Variants in ACAP3 observed in about 807,000 individuals in gnomAD.
ACAP3 encodes arf-GAP with coiled-coil, ANK repeat and PH domain-containing protein 3.
In ACAP3, 56 loss-of-function variants were observed where a neutral mutation model predicts 104.1. The ratio of observed to expected loss-of-function variants is 0.54; its 90% CI spans 0.43 to 0.67. The LOEUF (loss-of-function observed/expected upper bound fraction) is 0.67, where lower values mean the gene tolerates loss of function less well. Ranked by LOEUF, ACAP3 falls within the 30% of genes least tolerant of loss-of-function variation. The pLI, the probability that ACAP3 is intolerant of heterozygous loss-of-function variation, is 0.00. For missense variants in ACAP3, 1,208 were observed against 1,174.9 expected (o/e 1.03, Z -0.41); for synonymous variants, 628 against 496.2 (o/e 1.27, Z -3.53).
Position 1,300,072 on chromosome 1 carries a change from C to T in ACAP3, c.568-4G>A, listed in dbSNP as rs371279332. Reference sequence around the variant, plus strand: ...GGGCGTGCATGAAGGACAGCATCTGCGGGGGCAGCACAGGTGAGGCCCAAG... The same window carrying T: ...GGGCGTGCATGAAGGACAGCATCTGTGGGGGCAGCACAGGTGAGGCCCAAG... On this transcript the variant is annotated splice_polypyrimidine_tract_variant and splice_region_variant and intron_variant, in intron 7 of 23. Coordinates refer to ENST00000354700, the MANE Select transcript of ACAP3 (RefSeq NM_030649.3). The T allele has an allele frequency of 1.6e-5, 25 of 1,611,980 alleles. No homozygotes were observed. In the African/African-American group the frequency reaches 2.3e-4, roughly 15 times the overall value.
rs781575250 is a variant in ACAP3 at position 1,297,993 on chromosome 1, C to T, written c.1016+20G>A. On this transcript the variant is annotated intron_variant, in intron 13 of 23. Coordinates refer to ENST00000354700, the MANE Select transcript of ACAP3 (RefSeq NM_030649.3). ...TGGGCAGGTACGCCCCCCGCCCCACCCTGGGCTGGGCCTCCTCACTTGGTG... is the reference window on the plus strand; with the variant it reads ...TGGGCAGGTACGCCCCCCGCCCCACTCTGGGCTGGGCCTCCTCACTTGGTG... 8.1e-6 allele frequency: 13 copies of T among 1,611,632 alleles called. No homozygotes were observed. The highest frequency in any genetic ancestry group is 1.1e-5 in the Non-Finnish European group (13 of 1,179,428).
rs762569603 is a variant in ACAP3, at chr1:1,294,828, C to T, written c.1814-12G>A. ...GTCGCTACTCAGACCTGCAGGTCCG[C>T]AGGGAAGGGGGTCCTGAGGGTGGGA... is the stretch of plus-strand genomic sequence containing the variant. On this transcript the variant is annotated splice_polypyrimidine_tract_variant and intron_variant, in intron 19 of 23. Coordinates refer to ENST00000354700, the MANE Select transcript of ACAP3 (RefSeq NM_030649.3). 1.8e-5 allele frequency: 28 copies of T among 1,549,340 alleles called. No individual in the cohort carries two copies. In the African/African-American group the frequency reaches 3.6e-4, roughly 20 times the overall value.
At chr1:1,306,996 C>G (rs1641747225) in intron 1 of ACAP3, 1 of 446,254 alleles carries the variant, frequency 2.2e-6, no homozygotes, top group Non-Finnish European at 4.4e-6. Context: ...GAGGGAGGCA[C>G]GCAGAGGGGC....
chr1:1,299,097 A>G (rs892565171), intron 10 of ACAP3: 2 of 579,078 alleles, frequency 3.5e-6, no homozygotes, highest in Non-Finnish European at 6.2e-6. Context: ...AGGCCAGGGA[A>G]GCAGAGGGGA....
At chr1:1,293,731 A>ACGACCCTGCCCTGGAAGCCC (rs1553161391) in intron 23 of ACAP3, 23 bp from the exon 24 acceptor site, 1 of 942,762 alleles carries the variant, frequency 1.1e-6, no homozygotes, top group East Asian at 3.5e-5. Flanking sequence ...ACAGCGTGAG[A>ACGACCCTGCCCTGGAAGCCC]CGCCCCTGCC....
intron 11 of ACAP3, 37 bp from the exon 12 acceptor site, chr1:1,298,458 C>A (rs1164282894): frequency 1.3e-6 from 2 of 1,593,946 alleles, no homozygotes; most frequent in Non-Finnish European, 1.7e-6. Flanking sequence ...TCAGGCGGGG[C>A]CCATCCCAGG....
chr1:1,296,662 C>T (rs1472051213), intron 14 of ACAP3, 29 bp from the exon 15 acceptor site: 5 of 1,520,206 alleles, frequency 3.3e-6, no homozygotes, highest in Non-Finnish European at 8.8e-7. Flanking sequence ...CTGCTCGGTC[C>T]CGCAGGGGCT....
intron 19 of ACAP3, 139 bp from the exon 20 acceptor site, chr1:1,294,955 G>A: frequency 2.6e-6 from 2 of 765,350 alleles, no homozygotes; most frequent in Non-Finnish European, 4.2e-6. Flanking sequence ...GGGCCGGGGG[G>A]AGCCAGCTGC....
In ACAP3 at chr1:1,296,268, G is replaced by C. The variant is rs761408156; in HGVS notation, c.1350C>G (p.Val450=). Reference sequence around the variant, plus strand: ...TCAGGGACCGCACCTTGGAGCAGTGGACACCCAGGCTCCTGGAGAGCAGAG... The same window carrying C: ...TCAGGGACCGCACCTTGGAGCAGTGCACACCCAGGCTCCTGGAGAGCAGAG... ...ECSGIHRSLG[V]HCSKVRSLTL... Residue 450 remains valine, a synonymous_variant, in exon 16 of 24, where the codon GTC becomes GTG. Transcript: ENST00000354700. 6.4e-7 allele frequency: 1 copy of C among 1,558,844 alleles called. No individual in the cohort carries two copies. The highest frequency in any genetic ancestry group is 1.2e-5 in the South Asian group (1 of 85,104).
rs1641466487 is a variant in ACAP3, at chr1:1,302,005, G to C, written c.321C>G (p.Leu107=). The C allele has an allele frequency of 1.3e-6, 2 of 1,573,946 alleles. No individual in the cohort carries two copies. Among genetic ancestry groups the C allele is most frequent in the Non-Finnish European group, 1.7e-6 (2 of 1,158,374 alleles). ...CCACTCACTCTTTGACAAAGCTCTG[G>C]AGCTGCTGCCGCACGGACCTCTGGG... is the stretch of plus-strand genomic sequence containing the variant. The part of the protein sequence containing the change: ...DQAQRSVRQQ[L]QSFVKEDVRK... Residue 107 remains leucine (L), a synonymous_variant, in exon 5 of 24, where the codon CTC becomes CTG. Coordinates refer to ENST00000354700, the MANE Select transcript of ACAP3 (RefSeq NM_030649.3).
At chr1:1,293,742 C>CTGGAGGCCCCGCCCCTGCCT in intron 23 of ACAP3, 34 bp from the exon 24 acceptor site, 1 of 1,455,296 alleles carries the variant, frequency 6.9e-7, no homozygotes. Context: ...CGCCCCTGCC[C>CTGGAGGCCCCGCCCCTGCCT]TGGAGGCCCC....
At chr1:1,295,696 G>A (rs1015607166) in intron 18 of ACAP3, 40 bp downstream of exon 18, 2 of 1,572,778 alleles carry the variant, frequency 1.3e-6, no homozygotes, top group Non-Finnish European at 1.7e-6. Flanking sequence ...CCCCGACCAA[G>A]GCAAGCCCCT....
intron 14 of ACAP3, 61 bp from the exon 15 acceptor site, chr1:1,296,694 G>A (rs935697687): frequency 1.3e-6 from 2 of 1,491,698 alleles, no homozygotes; most frequent in African/African-American, 1.4e-5. Context: ...TCCCCAGCAG[G>A]CCCCCTCCTC....
rs1449083472 is a variant in ACAP3 at position 1,302,897 on chromosome 1, C to T, written c.279+25G>A. ...TCGGTTCCAGGCCAGGCACAGCCCA[C>T]AGGTGGCAGGGAGGCCGCGCTCACC... On this transcript the variant is annotated intron_variant, in intron 4 of 23. Coordinates refer to ENST00000354700, the MANE Select transcript of ACAP3 (RefSeq NM_030649.3). The T allele has an allele frequency of 4.3e-6, 7 of 1,609,808 alleles. No homozygotes were observed. The South Asian group carries it at 5.5e-5, about 13-fold the overall frequency.
intron 19 of ACAP3, 106 bp from the exon 20 acceptor site, chr1:1,294,922 G>C (rs1452495952): frequency 8.6e-7 from 1 of 1,162,296 alleles, no homozygotes; most frequent in Admixed American, 2.3e-5. Flanking sequence ...GCCACCCCTA[G>C]GGACAGGACC....
At chr1:1,293,746 AGGCCCCGC>A (rs754777288) in intron 23 of ACAP3, 38 bp from the exon 24 acceptor site, 10 of 1,449,484 alleles carry the variant, frequency 6.9e-6, no homozygotes, top group South Asian at 6.8e-5. Context: ...CCTGCCCTGG[AGGCCCCGC>A]CCCTGCCCTG....
In ACAP3 at chr1:1,304,106, T is replaced by A; in HGVS notation, c.85A>T (p.Ile29Phe). 7 of 1,550,668 alleles carry A rather than the reference T, an allele frequency of 4.5e-6. No homozygotes were observed. The highest frequency in any genetic ancestry group is 6.1e-6 in the Non-Finnish European group (7 of 1,146,860). Residue 29 changes from isoleucine (I) to phenylalanine (F), a missense_variant, in exon 2 of 24, where the codon ATT becomes TTT. By Grantham distance (21) the Ile-to-Phe change is conservative (BLOSUM62 0). Coordinates refer to ENST00000354700, the MANE Select transcript of ACAP3 (RefSeq NM_030649.3). ...IDEVETDVVE[I>F]EAKLDKLVKL... ...TTCACCTTGTCCAGTTTGGCCTCAATCTCCACCACGTCCGTCTCCACCTCG... is the reference window on the plus strand; with the variant it reads ...TTCACCTTGTCCAGTTTGGCCTCAAACTCCACCACGTCCGTCTCCACCTCG...
intron 18 of ACAP3, 44 bp downstream of exon 18, chr1:1,295,692 C>T (rs918169647): frequency 6.4e-7 from 1 of 1,567,584 alleles, no homozygotes; most frequent in African/African-American, 1.4e-5. Context: ...CCATCCCCGA[C>T]CAAGGCAAGC....
intron 4 of ACAP3, 86 bp from the exon 5 acceptor site, chr1:1,302,132 C>G: frequency 1.6e-6 from 2 of 1,224,594 alleles, no homozygotes; most frequent in Non-Finnish European, 2.2e-6. Flanking sequence ...GCAGAGGGCA[C>G]TGCCCCCAGG....
Sources: allele counts gnomAD v4.1 joint callset, GRCh38; gene constraint gnomAD v4.1.1; transcripts MANE v1.5; gene names NCBI Gene and HGNC (gene_info 2026-07-23, HGNC 2026-07-21).